Variants in HPS5 observed in about 807,000 individuals in gnomAD.
HPS5 encodes HPS5 biogenesis of lysosomal organelles complex 2 subunit 2, also known as BLOC-2 complex member HPS5.
A neutral mutation model predicts 128.0 loss-of-function variants in HPS5; 83 were observed. The observed-to-expected ratio is 0.65, with a 90% CI of 0.54 to 0.78. The LOEUF (loss-of-function observed/expected upper bound fraction) is 0.78, where lower values mean the gene tolerates loss of function less well. Among genes scored for constraint, HPS5 ranks in the 30% least tolerant of loss-of-function variants. HPS5 has a pLI of 0.00. For synonymous variants in HPS5, 475 were observed against 470.2 expected (o/e 1.01, Z -0.13); for missense variants, 1,281 against 1,326.2 (o/e 0.97, Z 0.53).
chr11:18,297,499 GAAC>G (rs1861216081), intron 11 of HPS5, 57 bp downstream of exon 11: 1 of 1,518,230 alleles, frequency 6.6e-7, no homozygotes, highest in Non-Finnish European at 9.1e-7. Context: ...AGGTAAATAA[GAAC>G]AACCGAAGAT....
intron 2 of HPS5, among the ~76,000 whole-genome samples, chr11:18,315,626 TAGAAAGAA>T (rs781072501): frequency 6.9e-6 from 1 of 144,758 alleles, no homozygotes; most frequent in African/African-American, 2.6e-5. Flanking sequence ...AAAAAAAAAA[TAGAAAGAA>T]AGAAAGAAAG....
At position 18,288,142 on chromosome 11, in the gene HPS5, T is replaced by C. The variant is rs954687927; in HGVS notation, c.2441-129A>G. 1.4e-5 allele frequency: 13 copies of C among 902,882 alleles called. No individual in the cohort carries two copies. The Admixed American group carries it at 3.0e-4, about 21-fold the overall frequency. The allele number at this position is 902,882 out of a possible 1,614,324, so 55.9% of individuals were successfully genotyped here. The stretch of plus-strand genomic sequence containing the variant: ...TGGACCTATTATGTGCAAGGCCCAA[T>C]ATTAAGCATTACAAGAGAAACAAAT... On this transcript the variant is annotated intron_variant, in intron 16 of 22. Coordinates refer to ENST00000349215, the MANE Select transcript of HPS5 (RefSeq NM_181507.2).
intron 12 of HPS5, chr11:18,296,428 A>T: frequency 1.8e-6 from 1 of 542,592 alleles, no homozygotes; most frequent in Non-Finnish European, 3.3e-6. Context: ...TCGCACATCG[A>T]AAAAGGAAGG....
chr11:18,311,588 G>A, intron 3 of HPS5, 137 bp from the exon 4 acceptor site: 1 of 569,122 alleles, frequency 1.8e-6, no homozygotes. Flanking sequence ...TCGGCTCACT[G>A]CAACCTCCAC....
chr11:18,321,907 C>T (rs1350168223), intron 1 of HPS5, 39 bp downstream of exon 1: 2 of 152,228 alleles, frequency 1.3e-5, no homozygotes, highest in Non-Finnish European at 2.9e-5. Flanking sequence ...AAACACAATC[C>T]CTACCCACAA....
At position 18,283,895 on chromosome 11, in the gene HPS5, C is replaced by T; in HGVS notation, c.2958G>A (p.Trp986Ter). 2 of 1,611,242 alleles carry T rather than the reference C, an allele frequency of 1.2e-6. No homozygotes were observed. Among genetic ancestry groups the T allele is most frequent in the Non-Finnish European group, 1.7e-6 (2 of 1,178,036 alleles). ...MTDICRSCGF[W>*]PGYLILCLEL... The stretch of plus-strand genomic sequence containing the variant: ...CCAAACAGAGAATTAGATATCCAGG[C>T]CAGAAACTTTAAAGAGACCGAAGTT... Residue 986 changes from tryptophan (W) to a stop codon, truncating the protein, a stop_gained, in exon 21 of 23, where the codon TGG becomes TGA. Coordinates refer to ENST00000349215, the MANE Select transcript of HPS5 (RefSeq NM_181507.2). LOFTEE classifies it high-confidence loss of function.
intron 16 of HPS5, among the ~76,000 whole-genome samples, chr11:18,289,579 GA>G (rs199957518): frequency 5.8e-4 from 85 of 147,222 alleles, no homozygotes; most frequent in African/African-American, 1.6e-3. Context: ...CCTCAACTCA[GA>G]AAAAAAAAAA....
intron 5 of HPS5, among the ~76,000 whole-genome samples, chr11:18,310,110 T>A (rs1862801234): frequency 6.6e-6 from 1 of 152,246 alleles, no homozygotes. Flanking sequence ...ACTTCTGATG[T>A]AATGGTCGTG....
In HPS5 at chr11:18,291,858, A is replaced by G; in HGVS notation, c.2024T>C (p.Leu675Ser). 1 of 1,610,190 alleles carries G rather than the reference A, an allele frequency of 6.2e-7. No homozygotes were observed. Reference protein sequence around the residue: ...SSMKLNQDVLLVNESKKGILD... With the variant: ...SSMKLNQDVLSVNESKKGILD... ...TATTCCCTTTTTTGATTCATTAACTAATAGCACATCCTGGTTCAATTTCAT... is the reference window on the plus strand; with the variant it reads ...TATTCCCTTTTTTGATTCATTAACTGATAGCACATCCTGGTTCAATTTCAT... The change falls in exon 16 of 23, where the codon TTA becomes TCA. Residue 675 changes from leucine (L) to serine (S), a missense_variant. Leu to Ser is a moderately radical substitution (Grantham distance 145). Transcript: ENST00000349215.
chr11:18,312,193 A>C (rs181777212), intron 2 of HPS5, among the ~76,000 whole-genome samples, 169 bp from the exon 3 acceptor site: 20 of 152,356 alleles, frequency 1.3e-4, no homozygotes, highest in African/African-American at 4.8e-4. Context: ...AATAGTAAAA[A>C]ATACTGAAGA....
intron 22 of HPS5, among the ~76,000 whole-genome samples, chr11:18,280,341 C>G (rs141977953): frequency 6.4e-4 from 98 of 152,252 alleles, no homozygotes; most frequent in Middle Eastern, 3.4e-3. Flanking sequence ...GTACCTGACA[C>G]CCACTGGGAT....
chr11:18,304,141 TAAATA>T (rs1205061852), intron 8 of HPS5, among the ~76,000 whole-genome samples: 2 of 151,828 alleles, frequency 1.3e-5, no homozygotes, highest in African/African-American at 4.8e-5. Flanking sequence ...TATGGGTAAA[TAAATA>T]AATGTCTTTC....
intron 16 of HPS5, among the ~76,000 whole-genome samples, chr11:18,288,855 A>G (rs2134260326): frequency 6.6e-6 from 1 of 151,808 alleles, no homozygotes; most frequent in Non-Finnish European, 1.5e-5. Context: ...TACGTTGCCT[A>G]GCTGCAATAC....
At chr11:18,284,118 G>T (rs1201902089) in intron 20 of HPS5, among the ~76,000 whole-genome samples, 1 of 150,102 alleles carries the variant, frequency 6.7e-6, no homozygotes, top group East Asian at 1.9e-4. Context: ...CAGTTCAGTA[G>T]AATATCTCCA....
intron 6 of HPS5, among the ~76,000 whole-genome samples, chr11:18,308,542 C>T (rs1319398666): frequency 3.9e-5 from 6 of 152,150 alleles, no homozygotes; most frequent in Admixed American, 1.3e-4. Flanking sequence ...TAGCCAGGGG[C>T]AGTGGTTCAT....
intron 12 of HPS5, chr11:18,296,447 C>A (rs930405599): frequency 1.8e-6 from 1 of 552,512 alleles, no homozygotes; most frequent in Non-Finnish European, 3.2e-6. Flanking sequence ...GGCAATGACC[C>A]CCAAAAACTG....
Position 18,298,941 on chromosome 11 carries a change from C to A in HPS5, c.1015G>T (p.Glu339Ter), listed in dbSNP as rs1201886200. The A allele has an allele frequency of 6.2e-7, 1 of 1,614,072 alleles. No homozygotes were observed. The highest frequency in any genetic ancestry group is 8.5e-7 in the Non-Finnish European group (1 of 1,180,042). ...CCATTTAGGTGCAAACAGAACAATT[C>A]ATTCCTACAGACAGCCACATCCTGA... ...DIQDVAVCRN[E>*]LFCLHLNGKV... is the part of the protein sequence containing the mutation. Residue 339 changes from glutamate (E) to a stop codon, truncating the protein, a stop_gained, in exon 10 of 23, where the codon GAA becomes TAA. Transcript: ENST00000349215. LOFTEE classifies it high-confidence loss of function.
chr11:18,279,908 G>A lies in HPS5; in HGVS notation c.3364C>T (p.Arg1122Trp), dbSNP rs754189788. 88 of 1,613,972 alleles carry A rather than the reference G, an allele frequency of 5.5e-5. No homozygotes were observed. The highest frequency in any genetic ancestry group is 6.8e-5 in the Non-Finnish European group (80 of 1,179,990). ...LIQSMLEKCD[R>W]FLWSQQA The stretch of plus-strand genomic sequence containing the variant: ...TAGGCCTGCTGGGACCAGAGAAACC[G>A]ATCGCATTTTTCAAGCATGCTTTGT... Residue 1122 changes from arginine to tryptophan, a missense_variant, in exon 23 of 23, where the codon CGG becomes TGG. Arg to Trp is a moderately radical substitution (Grantham distance 101). Coordinates refer to ENST00000349215, the MANE Select transcript of HPS5 (RefSeq NM_181507.2).
rs1490788975 is a variant in HPS5, at chr11:18,283,256, C to T, written c.3058+539G>A. 2.6e-5 allele frequency among the ~76,000 whole-genome samples: 4 copies of T among 151,690 alleles called. No individual in the cohort carries two copies. In the East Asian group the frequency reaches 7.7e-4, roughly 29 times the overall value. On this transcript the variant is annotated intron_variant, in intron 21 of 22. Transcript: ENST00000349215. Reference sequence around the variant, plus strand: ...ACCTCAGGTGATCTGCCCACCTCGGCCTCTGAAAGTGCTGGAATTACAAGC... The same window carrying T: ...ACCTCAGGTGATCTGCCCACCTCGGTCTCTGAAAGTGCTGGAATTACAAGC...
Sources: gnomAD v4.1 joint callset for allele counts (sites outside exome capture counted in the v4.1 genomes callset) on GRCh38, gnomAD v4.1.1 for gene constraint, MANE v1.5 for transcripts, NCBI Gene and HGNC (gene_info 2026-07-23, HGNC 2026-07-21) for gene names.